Variants in TNFRSF8 observed in about 807,000 individuals in gnomAD.
TNFRSF8 encodes tumor necrosis factor receptor superfamily member 8.
In TNFRSF8, 26 loss-of-function variants were observed where a neutral mutation model predicts 70.8. That is an observed-to-expected ratio of 0.37 (90% confidence interval 0.27 to 0.51). The LOEUF (loss-of-function observed/expected upper bound fraction) is 0.51. Among genes scored for constraint, TNFRSF8 ranks in the 20% least tolerant of loss-of-function variants. TNFRSF8 has a pLI of 0.94. For synonymous variants in TNFRSF8, 356 were observed against 339.2 expected, an observed-to-expected ratio of 1.05 and a Z score of -0.54; for missense variants, 720 against 807.9, an observed-to-expected ratio of 0.89 and a Z score of 1.32.
chr1:12,063,712 C>G lies in TNFRSF8; in HGVS notation c.63+51C>G, dbSNP rs908204041. 1.4e-5 allele frequency: 17 copies of G among 1,258,578 alleles called. No individual in the cohort carries two copies. The highest frequency in any genetic ancestry group is 1.7e-5 in the Non-Finnish European group (17 of 992,122). 78.0% of individuals were successfully genotyped at this position (1,258,578 alleles called of 1,614,324 possible). On this transcript the variant is annotated intron_variant, in intron 1 of 14. Transcript: ENST00000263932. This position sits in a 1 kb window ranked among gnomAD's most constrained non-coding sequence, Gnocchi z 7.2. Reference sequence around the variant, plus strand: ...AGGTGCCGGCGGTCCAGAGCCCGGACAGTGTGGGGTGCGTGGGACGCAAGG... The same window carrying G: ...AGGTGCCGGCGGTCCAGAGCCCGGAGAGTGTGGGGTGCGTGGGACGCAAGG...
intron 1 of TNFRSF8, chr1:12,080,185 G>T: frequency 2.1e-6 from 1 of 471,948 alleles, no homozygotes; most frequent in East Asian, 5.7e-5. Context: ...CTGACCTCAG[G>T]TGATCTGCTG....
At chr1:12,124,595 G>T (rs1391623889) in intron 10 of TNFRSF8, among the ~76,000 whole-genome samples, 2 of 152,058 alleles carry the variant, frequency 1.3e-5, no homozygotes, top group African/African-American at 4.8e-5. Context: ...AGGCCAAGGT[G>T]GGTGGATCAC....
chr1:12,068,288 G>T (rs1265410183), intron 1 of TNFRSF8, among the ~76,000 whole-genome samples: 1 of 152,152 alleles, frequency 6.6e-6, no homozygotes, highest in Non-Finnish European at 1.5e-5. Flanking sequence ...GGGCCAGCTT[G>T]TCCAGCCGGT....
intron 12 of TNFRSF8, among the ~76,000 whole-genome samples, chr1:12,128,909 A>G (rs1641995572): frequency 7.4e-6 from 1 of 134,778 alleles, no homozygotes; most frequent in African/African-American, 2.9e-5. Flanking sequence ...ATCTGGGTTC[A>G]CTGCAACCTC....
rs564312449 is a variant in TNFRSF8, at chr1:12,109,241, C to T, written c.422-325C>T. The stretch of plus-strand genomic sequence containing the variant: ...ACCTCACAGGCTTGGGTCACATGTC[C>T]GTCCCTGAACTGGCTCATCGTGGCC... On this transcript the variant is annotated intron_variant, in intron 4 of 14. Coordinates refer to ENST00000263932, the MANE Select transcript of TNFRSF8 (RefSeq NM_001243.5). The surrounding 1 kb of genome is among the most constrained non-coding windows in gnomAD (Gnocchi z 4.4). Among the ~76,000 whole-genome samples, 183 of 152,280 alleles carry T rather than the reference C, an allele frequency of 1.2e-3. No individual in the cohort carries two copies. The highest frequency in any genetic ancestry group is 3.9e-3 in the African/African-American group (161 of 41,552).
chr1:12,132,837 C>CAAAAAAAAAAA (rs55643235), intron 12 of TNFRSF8, among the ~76,000 whole-genome samples: 1 of 74,438 alleles, frequency 1.3e-5, no homozygotes, highest in African/African-American at 5.0e-5. Context: ...GACTCCATCT[C>CAAAAAAAAAAA]AAAAAAAAAA....
intron 12 of TNFRSF8, among the ~76,000 whole-genome samples, chr1:12,130,587 A>G (rs2101036616): frequency 6.6e-6 from 1 of 152,340 alleles, no homozygotes; most frequent in African/African-American, 2.4e-5. Context: ...GGGGAATCAC[A>G]GGCCAGAGAG....
intron 1 of TNFRSF8, among the ~76,000 whole-genome samples, chr1:12,079,772 C>T (rs528826749): frequency 2.0e-4 from 31 of 152,288 alleles, no homozygotes; most frequent in Non-Finnish European, 3.8e-4. Flanking sequence ...GACTGCCCTC[C>T]GGTGGCAAGC....
At chr1:12,139,990 T>C (rs1642223375) in intron 14 of TNFRSF8, among the ~76,000 whole-genome samples, 1 of 152,230 alleles carries the variant, frequency 6.6e-6, no homozygotes, top group Admixed American at 6.5e-5. Context: ...TTTTAGTAAG[T>C]TTTATTTGAA....
intron 3 of TNFRSF8, among the ~76,000 whole-genome samples, chr1:12,101,426 C>CA (rs112614202): frequency 0.06 from 8,513 of 142,150 alleles, 418 homozygotes; most frequent in African/African-American, 0.14. Flanking sequence ...GACCCTGTTT[C>CA]AAAAAAAAAA....
chr1:12,085,770 C>G (rs532840925), intron 2 of TNFRSF8, among the ~76,000 whole-genome samples: 5 of 152,110 alleles, frequency 3.3e-5, no homozygotes, highest in Non-Finnish European at 7.4e-5. Flanking sequence ...TGCTTAGGCC[C>G]GAGGAGATAA....
intron 3 of TNFRSF8, among the ~76,000 whole-genome samples, chr1:12,099,549 C>G (rs552285465): frequency 6.6e-6 from 1 of 152,192 alleles, no homozygotes; most frequent in East Asian, 1.9e-4. Flanking sequence ...TCCCGAGTAG[C>G]TGGGGCTGCA....
At chr1:12,136,162 T>C (rs764547428) in intron 13 of TNFRSF8, among the ~76,000 whole-genome samples, 1 of 152,144 alleles carries the variant, frequency 6.6e-6, no homozygotes, top group Non-Finnish European at 1.5e-5. Flanking sequence ...CTTTCATTTT[T>C]CAATATAATA....
intron 14 of TNFRSF8, among the ~76,000 whole-genome samples, chr1:12,139,335 C>A (rs1642213309): frequency 6.6e-6 from 1 of 152,174 alleles, no homozygotes; most frequent in Non-Finnish European, 1.5e-5. Flanking sequence ...TTACAGACCC[C>A]TCTGTCACTT....
At chr1:12,116,963 A>G (rs886170581) in intron 8 of TNFRSF8, among the ~76,000 whole-genome samples, 1 of 152,160 alleles carries the variant, frequency 6.6e-6, no homozygotes, top group African/African-American at 2.4e-5. Flanking sequence ...TGTGAGGTGT[A>G]GTGGCCTGGG....
intron 8 of TNFRSF8, among the ~76,000 whole-genome samples, chr1:12,120,595 A>T (rs545121138): frequency 6.6e-6 from 1 of 152,238 alleles, no homozygotes; most frequent in East Asian, 1.9e-4. Flanking sequence ...TGCTGAGACA[A>T]TTCTTTAAAT....
intron 2 of TNFRSF8, among the ~76,000 whole-genome samples, chr1:12,087,992 A>G (rs1409148225): frequency 6.6e-6 from 1 of 151,994 alleles, no homozygotes; most frequent in Non-Finnish European, 1.5e-5. Context: ...AAAAACCCAC[A>G]AAAACCCCTT....
chr1:12,135,664 C>A (rs757797007), intron 13 of TNFRSF8, 51 bp downstream of exon 13: 13 of 1,608,632 alleles, frequency 8.1e-6, no homozygotes, highest in Admixed American at 1.7e-5. Context: ...CTAAATCTGA[C>A]TCCTTCCCTA....
intron 3 of TNFRSF8, 34 bp from the exon 4 acceptor site, chr1:12,104,345 G>A (rs1641479074): frequency 3.1e-6 from 5 of 1,613,606 alleles, no homozygotes; most frequent in Non-Finnish European, 3.4e-6. Flanking sequence ...CCTTCCTTCT[G>A]TTCCCCTCTG....
Sources: gnomAD v4.1 joint callset for allele counts (sites outside exome capture counted in the v4.1 genomes callset) on GRCh38, gnomAD v4.1.1 for gene constraint, Gnocchi (gnomAD v3.1) non-coding constraint, MANE v1.5 for transcripts, NCBI Gene and HGNC (gene_info 2026-07-23, HGNC 2026-07-21) for gene names.